Variants in PDE10A observed in about 807,000 individuals in gnomAD.
PDE10A encodes the protein cAMP and cAMP-inhibited cGMP 3',5'-cyclic phosphodiesterase 10A.
A neutral mutation model predicts 97.7 loss-of-function variants in PDE10A; 39 were observed. The observed-to-expected ratio is 0.40, with a 90% confidence interval of 0.31 to 0.52. The LOEUF is 0.52. PDE10A is among the 20% of genes least tolerant of loss of function. PDE10A has a pLI of 0.56. For synonymous variants in PDE10A, 371 were observed against 376.8 expected, an observed-to-expected ratio of 0.98 and a Z score of 0.18; for missense variants, 731 against 1,047.8, an observed-to-expected ratio of 0.70 and a Z score of 4.17.
chr6:165,866,990 C>T (rs1053859987), intron 1 of PDE10A, among the ~76,000 whole-genome samples: 4 of 151,762 alleles, frequency 2.6e-5, no homozygotes, highest in African/African-American at 9.7e-5. Context: ...ATCATGAAAA[C>T]ACACAAAAAT....
chr6:165,945,531 G>A (rs1333207960), intron 1 of PDE10A, among the ~76,000 whole-genome samples: 1 of 152,156 alleles, frequency 6.6e-6, no homozygotes, highest in Non-Finnish European at 1.5e-5. Context: ...GGGGTGATTA[G>A]GTCATGAGGG....
chr6:165,812,476 G>A (rs994592488), intron 1 of PDE10A, among the ~76,000 whole-genome samples: 2 of 152,150 alleles, frequency 1.3e-5, no homozygotes, highest in Admixed American at 6.5e-5. Context: ...AAAAGTCTAG[G>A]TGAAGAGGAA....
At chr6:165,334,429 C>CCA (rs1781528406) in intron 21 of PDE10A, among the ~76,000 whole-genome samples, 7 of 151,250 alleles carry the variant, frequency 4.6e-5, no homozygotes, top group African/African-American at 1.5e-4. Flanking sequence ...GCACGCGCCT[C>CCA]TATAGCGCCC....
chr6:165,860,323 T>C (rs1780865108), intron 1 of PDE10A, among the ~76,000 whole-genome samples: 1 of 151,972 alleles, frequency 6.6e-6, no homozygotes, highest in African/African-American at 2.4e-5. Flanking sequence ...CATGGTGGCA[T>C]ATGCCTGTAA....
intron 1 of PDE10A, among the ~76,000 whole-genome samples, chr6:165,898,829 T>C (rs563955237): frequency 2.3e-4 from 35 of 152,266 alleles, no homozygotes; most frequent in African/African-American, 8.2e-4. Flanking sequence ...CCCAGCGCAC[T>C]GCCTTCCTCA....
chr6:165,571,241 G>C (rs1785035606), intron 1 of PDE10A, among the ~76,000 whole-genome samples: 1 of 152,160 alleles, frequency 6.6e-6, no homozygotes, highest in African/African-American at 2.4e-5. Flanking sequence ...AACCACATCT[G>C]TCCTCTGCCT....
chr6:165,726,183 G>A (rs756438360), intron 1 of PDE10A, among the ~76,000 whole-genome samples: 21 of 152,178 alleles, frequency 1.4e-4, no homozygotes, highest in Admixed American at 9.8e-4. Flanking sequence ...GGGAGCAAGA[G>A]CTGATCCCAC....
chr6:165,475,552 T>C (rs967905344), intron 3 of PDE10A, among the ~76,000 whole-genome samples: 1 of 152,180 alleles, frequency 6.6e-6, no homozygotes, highest in Non-Finnish European at 1.5e-5. Context: ...AAGAACTTAA[T>C]GAAAACGTCT....
chr6:165,378,299 AC>A (rs1784735680), intron 18 of PDE10A, among the ~76,000 whole-genome samples: 1 of 152,246 alleles, frequency 6.6e-6, no homozygotes, highest in South Asian at 2.1e-4. Context: ...GAACACCTGA[AC>A]AAAAAGTATA....
chr6:165,548,048 C>T (rs1326825224), intron 1 of PDE10A, among the ~76,000 whole-genome samples: 7 of 152,070 alleles, frequency 4.6e-5, no homozygotes, highest in Non-Finnish European at 7.4e-5. Flanking sequence ...CCTAGGTACT[C>T]AACAGCCAGC....
intron 1 of PDE10A, among the ~76,000 whole-genome samples, chr6:165,549,668 G>A (rs1353316507): frequency 1.3e-5 from 2 of 152,004 alleles, no homozygotes; most frequent in East Asian, 3.9e-4. Context: ...AACTCTCTGT[G>A]GCTATGTCAC....
At chr6:165,504,216 A>C (rs559138412) in intron 2 of PDE10A, among the ~76,000 whole-genome samples, 1 of 152,286 alleles carries the variant, frequency 6.6e-6, no homozygotes, top group East Asian at 1.9e-4. Flanking sequence ...AAATTTGAGA[A>C]GATAACCACT....
intron 1 of PDE10A, among the ~76,000 whole-genome samples, chr6:165,698,032 G>A (rs1161056537): frequency 6.6e-6 from 1 of 152,150 alleles, no homozygotes; most frequent in East Asian, 1.9e-4. Context: ...TATTCCTCAG[G>A]CTTTGGATTT....
intron 1 of PDE10A, among the ~76,000 whole-genome samples, chr6:165,863,235 T>C (rs1176934369): frequency 6.6e-6 from 1 of 152,248 alleles, no homozygotes; most frequent in Non-Finnish European, 1.5e-5. Context: ...CTGGCTTTTA[T>C]GCATTTAGCT....
chr6:165,976,939 C>T (rs559593122), intron 1 of PDE10A, among the ~76,000 whole-genome samples: 12 of 152,320 alleles, frequency 7.9e-5, no homozygotes, highest in African/African-American at 2.9e-4. Flanking sequence ...GGAATCGCAC[C>T]CTCTGCTGTC....
intron 1 of PDE10A, among the ~76,000 whole-genome samples, chr6:165,729,454 C>A (rs1306246881): frequency 6.6e-6 from 1 of 152,086 alleles, no homozygotes; most frequent in African/African-American, 2.4e-5. Flanking sequence ...TTGGGAGATA[C>A]TAAGGACAGC....
intron 1 of PDE10A, among the ~76,000 whole-genome samples, chr6:165,656,258 TCA>T (rs3083000): frequency 0.097 from 12,625 of 129,550 alleles, 618 homozygotes; most frequent in Non-Finnish European, 0.13. Context: ...TCTCTCTCTC[TCA>T]CACACACACA....
At chr6:165,755,991 A>G (rs1426653233) in intron 1 of PDE10A, among the ~76,000 whole-genome samples, 3 of 152,192 alleles carry the variant, frequency 2.0e-5, no homozygotes, top group Non-Finnish European at 4.4e-5. Context: ...GGGAAGACAC[A>G]TGGACTCCTT....
At chr6:165,528,851 A>G (rs1286105781) in intron 2 of PDE10A, among the ~76,000 whole-genome samples, 2 of 152,186 alleles carry the variant, frequency 1.3e-5, no homozygotes, top group Non-Finnish European at 2.9e-5. Context: ...CTAGGTGACA[A>G]TATTTTGCAG....
Sources: allele counts gnomAD v4.1 joint callset (sites outside exome capture counted in the v4.1 genomes callset), GRCh38; gene constraint gnomAD v4.1.1; transcripts MANE v1.5; gene names NCBI Gene and HGNC (gene_info 2026-07-23, HGNC 2026-07-21).